AFF3: variants seen among roughly 807,000 people sequenced by gnomAD.
AFF3 encodes ALF transcription elongation factor 3, also known as AF4/FMR2 family member 3.
AFF3 carries 32 observed loss-of-function variants against 129.7 expected under a neutral mutation model. That is an observed-to-expected ratio of 0.25 (90% confidence interval 0.19 to 0.33). AFF3 has a LOEUF of 0.33. Among genes scored for constraint, AFF3 ranks in the 10% least tolerant of loss-of-function variants. The pLI is 1.00. For missense variants in AFF3, 1,373 were observed against 1,592.0 expected, an observed-to-expected ratio of 0.86 and a Z score of 2.34; for synonymous variants, 644 against 635.4, an observed-to-expected ratio of 1.01 and a Z score of -0.20.
At chr2:99,584,324 C>T (rs928336057) in intron 16 of AFF3, among the ~76,000 whole-genome samples, 16 of 152,064 alleles carry the variant, frequency 1.1e-4, no homozygotes, top group East Asian at 2.0e-4. Flanking sequence ...AAAAATTAGC[C>T]GGGTGTGGTG....
intron 12 of AFF3, among the ~76,000 whole-genome samples, chr2:99,656,108 C>A (rs1023777130): frequency 6.6e-6 from 1 of 152,168 alleles, no homozygotes; most frequent in Non-Finnish European, 1.5e-5. Context: ...AAGTTGCCTA[C>A]AAGATGTTTC....
chr2:99,689,924 C>T (rs1163482540), intron 11 of AFF3, among the ~76,000 whole-genome samples: 7 of 150,346 alleles, frequency 4.7e-5, no homozygotes, highest in African/African-American at 1.5e-4. Context: ...CCATCTCTAC[C>T]AAAAATACAA....
chr2:100,036,134 T>TAA lies in AFF3; in HGVS notation c.54-27204_54-27203dup, dbSNP rs59136725. On this transcript the variant is annotated intron_variant, in intron 4 of 24. Transcript: ENST00000672756. ...TGCCAAGTTCTGAAAAATACAGTGC[T>TAA]AAAAAAAAAAAAAAAAAAAAAAAAA... Among the ~76,000 whole-genome samples, 219 of 64,312 alleles carry TAA rather than the reference T, an allele frequency of 3.4e-3. 7 individuals are homozygous for TAA. The highest frequency in any genetic ancestry group is 0.015 in the African/African-American group (209 of 14,230). The allele number at this position is 64,312 out of a possible 152,430, so 42.2% of individuals were successfully genotyped here. A position where few individuals can be genotyped will look rare whatever the true frequency, so the allele number is the denominator to read the frequency against.
At position 99,793,965 on chromosome 2, in the gene AFF3, C is replaced by CT. The variant is rs1685386251; in HGVS notation, c.922-41665dup. On this transcript the variant is annotated intron_variant, in intron 8 of 24. Coordinates refer to ENST00000672756, the MANE Select transcript of AFF3 (RefSeq NM_001386135.1). ...CTCTAACTACATTTTACATACACAT[C>CT]TTCATTAGGGTCAATATTTGTTCTA... Among the ~76,000 whole-genome samples, 5 of 152,334 alleles carry CT rather than the reference C, an allele frequency of 3.3e-5. No homozygotes were observed. The East Asian group carries it at 9.6e-4, about 29-fold the overall frequency.
rs746870642 is a variant in AFF3 at position 99,565,428 on chromosome 2, T to C, written c.3119+59A>G. The C allele has an allele frequency of 1.6e-5, 25 of 1,591,190 alleles. 1 individual carries two copies. The highest frequency in any genetic ancestry group is 3.3e-4 in the Middle Eastern group (2 of 5,996). On this transcript the variant is annotated intron_variant, in intron 20 of 24. Coordinates refer to ENST00000672756, the MANE Select transcript of AFF3 (RefSeq NM_001386135.1). ...GCTGACATTCTTTTCTCTGTAACCATAGTGCTTCCACACATTCCTCACTCC... is the reference window on the plus strand; with the variant it reads ...GCTGACATTCTTTTCTCTGTAACCACAGTGCTTCCACACATTCCTCACTCC...
chr2:100,090,930 T>C (rs1689803987), intron 4 of AFF3, among the ~76,000 whole-genome samples: 1 of 152,192 alleles, frequency 6.6e-6, no homozygotes, highest in African/African-American at 2.4e-5. Flanking sequence ...CCTCAGGTGA[T>C]CTACCCACCT....
chr2:99,775,120 A>C (rs761282505), intron 8 of AFF3, among the ~76,000 whole-genome samples: 1 of 152,224 alleles, frequency 6.6e-6, no homozygotes, highest in Non-Finnish European at 1.5e-5. Context: ...GAGAAGAAGG[A>C]ATGCTTTTAT....
intron 7 of AFF3, among the ~76,000 whole-genome samples, chr2:99,870,551 C>T (rs1472997432): frequency 6.6e-6 from 1 of 152,214 alleles, no homozygotes; most frequent in Non-Finnish European, 1.5e-5. Flanking sequence ...CCTGTGATCT[C>T]CTGGAGAGCT....
intron 23 of AFF3, 56 bp downstream of exon 23, chr2:99,554,627 G>T (rs1674749188): frequency 1.2e-6 from 2 of 1,612,146 alleles, no homozygotes; most frequent in East Asian, 4.5e-5. Context: ...AAGCGCAGTG[G>T]CCCAGCACCA....
At chr2:99,868,184 C>A (rs1309283056) in intron 7 of AFF3, among the ~76,000 whole-genome samples, 2 of 152,112 alleles carry the variant, frequency 1.3e-5, no homozygotes, top group African/African-American at 4.8e-5. Flanking sequence ...ATTCTCAGGT[C>A]TACCCATTTT....
chr2:99,876,582 C>T (rs1692316845), intron 7 of AFF3, among the ~76,000 whole-genome samples: 2 of 152,158 alleles, frequency 1.3e-5, no homozygotes, highest in Non-Finnish European at 2.9e-5. Context: ...CCACTCTTTA[C>T]ATAGAACCCA....
chr2:99,620,959 A>G (rs1049163346), intron 13 of AFF3, among the ~76,000 whole-genome samples: 1 of 152,148 alleles, frequency 6.6e-6, no homozygotes, highest in African/African-American at 2.4e-5. Flanking sequence ...TGCTGGTGCC[A>G]TGCTTCCAGT....
In AFF3 at chr2:99,649,779, C is replaced by T. The variant is rs1011920660; in HGVS notation, c.1144-113G>A. ...CATTACACACATTTTTGCCATGTGG[C>T]CAAATTTTAAACGACTAGCAATGAA... is the stretch of plus-strand genomic sequence containing the variant. On this transcript the variant is annotated intron_variant, in intron 12 of 24. Coordinates refer to ENST00000672756, the MANE Select transcript of AFF3 (RefSeq NM_001386135.1). 4 of 1,173,120 alleles carry T rather than the reference C, an allele frequency of 3.4e-6. No individual in the cohort carries two copies. The Admixed American group carries it at 8.1e-5, about 24-fold the overall frequency. 72.7% of individuals were successfully genotyped at this position (1,173,120 alleles called of 1,614,324 possible).
intron 11 of AFF3, among the ~76,000 whole-genome samples, chr2:99,719,525 G>C (rs1678696355): frequency 6.6e-6 from 1 of 152,128 alleles, no homozygotes; most frequent in Non-Finnish European, 1.5e-5. Flanking sequence ...GTTTGTATAA[G>C]AGTGTTAGTT....
At chr2:99,877,791 T>G (rs1418454200) in intron 7 of AFF3, among the ~76,000 whole-genome samples, 1 of 152,232 alleles carries the variant, frequency 6.6e-6, no homozygotes, top group Non-Finnish European at 1.5e-5. Flanking sequence ...GGTGTTAATT[T>G]TTTTCCATTC....
Position 99,929,098 on chromosome 2 carries a change from A to C in AFF3, c.873+77534T>G, listed in dbSNP as rs115780575. ...AAATGGCATGCGTAAATGAAAGTAAAAACTCAGCAAGGTGAAGTTGGGAGT... is the reference window on the plus strand; with the variant it reads ...AAATGGCATGCGTAAATGAAAGTAACAACTCAGCAAGGTGAAGTTGGGAGT... On this transcript the variant is annotated intron_variant, in intron 7 of 24. Transcript: ENST00000672756. 3.8e-3 allele frequency among the ~76,000 whole-genome samples: 572 copies of C among 152,332 alleles called. 5 individuals carry two copies. The highest frequency in any genetic ancestry group is 0.013 in the African/African-American group (536 of 41,574).
At chr2:99,699,946 C>T (rs1030898778) in intron 11 of AFF3, among the ~76,000 whole-genome samples, 6 of 152,228 alleles carry the variant, frequency 3.9e-5, no homozygotes, top group Non-Finnish European at 5.9e-5. Context: ...AATTTAGGTT[C>T]ATCCCCATCT....
At chr2:99,728,986 A>C (rs542699868) in intron 10 of AFF3, among the ~76,000 whole-genome samples, 4 of 147,452 alleles carry the variant, frequency 2.7e-5, no homozygotes, top group South Asian at 4.4e-4. Flanking sequence ...TTGTAATCCT[A>C]AAATAGAGAG....
chr2:100,019,162 C>G (rs1380836970), intron 4 of AFF3, among the ~76,000 whole-genome samples: 1 of 151,994 alleles, frequency 6.6e-6, no homozygotes, highest in Non-Finnish European at 1.5e-5. Context: ...TCTCACGGAC[C>G]CAGAAAGCCC....
Sources: gnomAD v4.1 joint callset for allele counts (sites outside exome capture counted in the v4.1 genomes callset) on GRCh38, gnomAD v4.1.1 for gene constraint, MANE v1.5 for transcripts, NCBI Gene and HGNC (gene_info 2026-07-23, HGNC 2026-07-21) for gene names.